RAD50: variants seen among roughly 807,000 people sequenced by gnomAD.
The protein encoded by RAD50 is RAD50 double strand break repair protein, also known as DNA repair protein RAD50.
In RAD50, 132 loss-of-function variants were observed where a neutral mutation model predicts 168.8. The observed-to-expected ratio is 0.78, with a 90% confidence interval of 0.68 to 0.90. The LOEUF is 0.90. Ranked by LOEUF, RAD50 falls within the 40% of genes least tolerant of loss-of-function variation. The pLI, the probability that RAD50 is intolerant of heterozygous loss-of-function variation, is 0.00. For missense variants in RAD50, 1,347 were observed against 1,534.4 expected (o/e 0.88, Z 2.04); for synonymous variants, 525 against 497.4 (o/e 1.06, Z -0.74).
At position 132,595,749 on chromosome 5, in the gene RAD50, G is replaced by C; in HGVS notation, c.2146G>C (p.Glu716Gln). 6.2e-7 allele frequency: 1 copy of C among 1,613,506 alleles called. No homozygotes were observed. The highest frequency in any genetic ancestry group is 8.5e-7 in the Non-Finnish European group (1 of 1,179,722). ...RLAPDKLKST[E>Q]SELKKKEKRR... Reference sequence around the variant, plus strand: ...TGCTCCAGATAAACTCAAGTCAACAGAATCAGAGCTAAAAAAAAAGGAAAA... The same window carrying C: ...TGCTCCAGATAAACTCAAGTCAACACAATCAGAGCTAAAAAAAAAGGAAAA... The change falls in exon 13 of 25, where the codon GAA becomes CAA. Residue 716 changes from glutamate (E) to glutamine (Q), a missense_variant. Glu to Gln is a conservative substitution (Grantham distance 29). Coordinates refer to ENST00000378823, the MANE Select transcript of RAD50 (RefSeq NM_005732.4).
chr5:132,620,700 C>T (rs1228838249), intron 21 of RAD50, among the ~76,000 whole-genome samples: 2 of 152,166 alleles, frequency 1.3e-5, no homozygotes, highest in Non-Finnish European at 2.9e-5. Context: ...GCCCCCCACG[C>T]AGTCAGAAAT....
At chr5:132,619,811 TACTC>T (rs370899029) in intron 21 of RAD50, among the ~76,000 whole-genome samples, 15 of 130,974 alleles carry the variant, frequency 1.1e-4, no homozygotes, top group African/African-American at 4.1e-4. Context: ...TCTCTCTCTC[TACTC>T]CTCTCTCTCT....
chr5:132,597,938 G>A (rs1309522061), intron 13 of RAD50, among the ~76,000 whole-genome samples: 1 of 152,086 alleles, frequency 6.6e-6, no homozygotes, highest in African/African-American at 2.4e-5. Context: ...ATTTGAAATT[G>A]GTAGAAAGTA....
chr5:132,605,475 G>T (rs1209197022), intron 16 of RAD50, among the ~76,000 whole-genome samples: 1 of 152,010 alleles, frequency 6.6e-6, no homozygotes, highest in African/African-American at 2.4e-5. Flanking sequence ...CTCTCAAGTA[G>T]ATGGGACTAC....
At chr5:132,604,075 A>C (rs1750937874) in intron 15 of RAD50, 29 bp downstream of exon 15, 15 of 1,611,418 alleles carry the variant, frequency 9.3e-6, no homozygotes, top group African/African-American at 1.3e-5. Flanking sequence ...TTCTGTACTC[A>C]TAGAGACTTT....
chr5:132,611,443 C>T (rs927199251), intron 19 of RAD50, among the ~76,000 whole-genome samples: 8 of 149,388 alleles, frequency 5.4e-5, no homozygotes, highest in South Asian at 4.3e-4. Flanking sequence ...TGGTGGCTCA[C>T]GCCTGTAATC....
chr5:132,602,088 C>T (rs1207841069), intron 13 of RAD50, among the ~76,000 whole-genome samples: 1 of 151,948 alleles, frequency 6.6e-6, no homozygotes, highest in African/African-American at 2.4e-5. Context: ...TGTAACAAAC[C>T]CACACGTTCT....
At chr5:132,592,672 C>T (rs922871113) in intron 11 of RAD50, 2 of 312,238 alleles carry the variant, frequency 6.4e-6, no homozygotes, top group Non-Finnish European at 1.3e-5. Context: ...CAACTGTTGC[C>T]ATGACCTTTG....
Position 132,559,314 on chromosome 5 carries a change from A to G in RAD50, c.160A>G (p.Thr54Ala), listed in dbSNP as rs864622441. Residue 54 changes from threonine to alanine, a missense_variant, in exon 2 of 25, where the codon ACT becomes GCT. Coordinates refer to ENST00000378823, the MANE Select transcript of RAD50 (RefSeq NM_005732.4). ...CATTGAATGTCTAAAATATATTTGT[A>G]CTGGAGATTTCCCTCCTGGAACCAA... is the stretch of plus-strand genomic sequence containing the variant. ...TIIECLKYIC[T>A]GDFPPGTKGN... 1 of 1,608,304 alleles carries G rather than the reference A, an allele frequency of 6.2e-7. No individual in the cohort carries two copies. The highest frequency in any genetic ancestry group is 1.7e-5 in the Admixed American group (1 of 59,868).
intron 5 of RAD50, among the ~76,000 whole-genome samples, chr5:132,582,404 T>G (rs1750519371): frequency 6.9e-6 from 1 of 145,800 alleles, no homozygotes; most frequent in Non-Finnish European, 1.5e-5. Flanking sequence ...ACTTCCAAAG[T>G]CCTTTTTTTT....
At chr5:132,604,775 T>C (rs146895160) in intron 15 of RAD50, 31 bp from the exon 16 acceptor site, 1 of 1,510,640 alleles carries the variant, frequency 6.6e-7, no homozygotes, top group African/African-American at 1.4e-5. Context: ...TGCCCTTACA[T>C]TAATTACTGT....
chr5:132,640,757 C>CA lies in RAD50; in HGVS notation c.3707dup (p.Asn1236LysfsTer3), dbSNP rs1554101189. Reference sequence around the variant, plus strand: ...ATCATTGCCTTGGATGAGCCAACAACAAATCTTGACCGAGAAAACATTGAA... The same window carrying CA: ...ATCATTGCCTTGGATGAGCCAACAACAAAATCTTGACCGAGAAAACATTGAA... On this transcript the variant is annotated frameshift_variant, in exon 24 of 25. Coordinates refer to ENST00000378823, the MANE Select transcript of RAD50 (RefSeq NM_005732.4). LOFTEE classifies it high-confidence loss of function. The CA allele has an allele frequency of 6.2e-7, 1 of 1,614,210 alleles. No individual in the cohort carries two copies. Among genetic ancestry groups the CA allele is most frequent in the Non-Finnish European group, 8.5e-7 (1 of 1,180,038 alleles).
chr5:132,603,199 AC>A, intron 13 of RAD50, 100 bp from the exon 14 acceptor site: 1 of 1,083,906 alleles, frequency 9.2e-7, no homozygotes, highest in East Asian at 2.6e-5. Context: ...CCTGAAAAGA[AC>A]ACAATGTCAC....
At chr5:132,635,878 A>G (rs1460493878) in intron 21 of RAD50, among the ~76,000 whole-genome samples, 1 of 152,182 alleles carries the variant, frequency 6.6e-6, no homozygotes, top group African/African-American at 2.4e-5. Flanking sequence ...AGGCTGAGAT[A>G]AATGTATAAG....
rs1750638358 is a variant in RAD50, at chr5:132,588,613, C to A, written c.1052-74C>A. On this transcript the variant is annotated intron_variant, in intron 7 of 24. Transcript: ENST00000378823. ...AGACACACTGCATTATTTTTTATAA[C>A]TCGTGAATCTGCAGCTATCTCAACT... 3 of 1,393,928 alleles carry A rather than the reference C, an allele frequency of 2.2e-6. No individual in the cohort carries two copies. In the African/African-American group the frequency reaches 4.3e-5, roughly 20 times the overall value. 86.3% of individuals were successfully genotyped at this position (1,393,928 alleles called of 1,614,324 possible).
At chr5:132,579,296 C>T (rs927604560) in intron 3 of RAD50, 21 bp from the exon 4 acceptor site, 3 of 1,607,484 alleles carry the variant, frequency 1.9e-6, no homozygotes, top group African/African-American at 2.7e-5. Flanking sequence ...TACATATATT[C>T]TTGATTTTCA....
chr5:132,568,363 A>G (rs977356712), intron 2 of RAD50, among the ~76,000 whole-genome samples: 1 of 152,076 alleles, frequency 6.6e-6, no homozygotes, highest in Non-Finnish European at 1.5e-5. Flanking sequence ...GATTGCAGGC[A>G]TGAGCCACGA....
At chr5:132,619,956 G>A (rs1751258642) in intron 21 of RAD50, among the ~76,000 whole-genome samples, 1 of 148,586 alleles carries the variant, frequency 6.7e-6, no homozygotes, top group Admixed American at 6.7e-5. Context: ...CCAGGCTGGA[G>A]TGCAGTGGCG....
intron 20 of RAD50, among the ~76,000 whole-genome samples, chr5:132,616,409 G>A (rs1056931472): frequency 3.3e-5 from 5 of 152,184 alleles, no homozygotes; most frequent in African/African-American, 1.2e-4. Flanking sequence ...CTGCTGCACA[G>A]AATAGTGGTA....
Sources: allele counts gnomAD v4.1 joint callset (sites outside exome capture counted in the v4.1 genomes callset), GRCh38; gene constraint gnomAD v4.1.1; transcripts MANE v1.5; gene names NCBI Gene and HGNC (gene_info 2026-07-23, HGNC 2026-07-21).